Variants in ACAD8 observed in about 807,000 individuals in gnomAD.
ACAD8 encodes isobutyryl-CoA dehydrogenase, mitochondrial.
ACAD8 carries 47 observed loss-of-function variants against 53.1 expected under a neutral mutation model. The observed-to-expected ratio is 0.89, with a 90% confidence interval of 0.70 to 1.13. ACAD8 has a LOEUF of 1.13. Among genes scored for constraint, ACAD8 ranks in the 50% most tolerant of loss-of-function variants. ACAD8 has a pLI of 0.00. For missense variants in ACAD8, 494 were observed against 535.0 expected (o/e 0.92, Z 0.76); for synonymous variants, 198 against 201.3 (o/e 0.98, Z 0.14).
chr11:134,257,612 G>T (rs1398770483), intron 3 of ACAD8: 1 of 348,768 alleles, frequency 2.9e-6, no homozygotes, highest in Non-Finnish European at 5.6e-6. Flanking sequence ...GGCGGAGCTT[G>T]CAGTGAGCCG....
intron 1 of ACAD8, 143 bp from the exon 2 acceptor site, chr11:134,256,405 T>TTC: frequency 1.4e-6 from 1 of 692,988 alleles, no homozygotes; most frequent in South Asian, 1.6e-5. Context: ...GAAGCTGCCA[T>TTC]TCTCTAGCTG....
Position 134,261,577 on chromosome 11 carries a change from G to A in ACAD8, c.940-161G>A. The A allele has an allele frequency of 6.5e-7, 1 of 1,540,216 alleles. No homozygotes were observed. Among genetic ancestry groups the A allele is most frequent in the Non-Finnish European group, 8.7e-7 (1 of 1,146,946 alleles). On this transcript the variant is annotated intron_variant, in intron 8 of 10. Coordinates refer to ENST00000281182, the MANE Select transcript of ACAD8 (RefSeq NM_014384.3). This position sits in a 1 kb window ranked among gnomAD's most constrained non-coding sequence, Gnocchi z 4.2. ...GTGTCGGGTGAGTGAAGTGGACTTA[G>A]CACTTAAAAGCAATAAATTTCCTCT... is the stretch of plus-strand genomic sequence containing the variant.
At position 134,261,528 on chromosome 11, in the gene ACAD8, T is replaced by C. The variant is rs79032586; in HGVS notation, c.939+156T>C. On this transcript the variant is annotated intron_variant, in intron 8 of 10. Transcript: ENST00000281182. The surrounding 1 kb of genome is among the most constrained non-coding windows in gnomAD (Gnocchi z 4.2). Reference sequence around the variant, plus strand: ...TGCTTTATTTCTGTCCATCTTTTCTTGGGATATCTTTAACGATATTAAAGT... The same window carrying C: ...TGCTTTATTTCTGTCCATCTTTTCTCGGGATATCTTTAACGATATTAAAGT... The C allele has an allele frequency of 8.8e-3, 13,296 of 1,507,424 alleles. 978 individuals are homozygous for C. In the African/African-American group the frequency reaches 0.16, roughly 18 times the overall value. The allele number at this position is 1,507,424 out of a possible 1,614,324, so 93.4% of individuals were successfully genotyped here.
In ACAD8 at chr11:134,263,486, A is replaced by G. The variant is rs111478358; in HGVS notation, c.1195+864A>G. The G allele has an allele frequency of 9.8e-3, 9,662 of 985,082 alleles. 738 individuals carry two copies. In the African/African-American group the frequency reaches 0.16, roughly 16 times the overall value. The allele number at this position is 985,082 out of a possible 1,614,324, so 61.0% of individuals were successfully genotyped here. ...ACAAGTCTTCAAGTGAGGCTGCCAC[A>G]GCTTGTCTGAGAACCACACTTTGAG... On this transcript the variant is annotated intron_variant, in intron 10 of 10. Coordinates refer to ENST00000281182, the MANE Select transcript of ACAD8 (RefSeq NM_014384.3).
At position 134,253,690 on chromosome 11, in the gene ACAD8, C is replaced by T. The variant is rs756685371; in HGVS notation, c.90C>T (p.Ser30=). Residue 30 remains serine (S), a synonymous_variant, in exon 1 of 11, where the codon AGC becomes AGT. Transcript: ENST00000281182. Reference sequence around the variant, plus strand: ...TCCTCGTCCAGACCGGCCACCGGAGCTTGACCTCCTGCATCGACCGTAAGG... The same window carrying T: ...TCCTCGTCCAGACCGGCCACCGGAGTTTGACCTCCTGCATCGACCGTAAGG... ...LRVLVQTGHR[S]LTSCIDPSMG... 6.3e-7 allele frequency: 1 copy of T among 1,599,312 alleles called. No homozygotes were observed. Among genetic ancestry groups the T allele is most frequent in the Non-Finnish European group, 8.5e-7 (1 of 1,173,940 alleles).
intron 10 of ACAD8, 141 bp downstream of exon 10, chr11:134,262,763 T>C: frequency 6.7e-7 from 1 of 1,503,406 alleles, no homozygotes. Context: ...TCCCTCCCGT[T>C]CCGCAGAGCT....
rs1480631595 is a variant in ACAD8, at chr11:134,261,356, C to G, written c.923C>G (p.Pro308Arg). 1.2e-6 allele frequency: 2 copies of G among 1,614,160 alleles called. No homozygotes were observed. Among genetic ancestry groups the G allele is most frequent in the South Asian group, 1.1e-5 (1 of 91,078 alleles). The change falls in exon 8 of 11, where the codon CCT (proline) becomes CGT (arginine). Residue 308 changes from proline (P) to arginine (R), a missense_variant. Coordinates refer to ENST00000281182, the MANE Select transcript of ACAD8 (RefSeq NM_014384.3). This position sits in a 1 kb window ranked among gnomAD's most constrained non-coding sequence, Gnocchi z 4.2. ...HLNVRKQFGE[P>R]LASNQYLQFT... The stretch of plus-strand genomic sequence containing the variant: ...AATGTCCGGAAGCAGTTTGGAGAGC[C>G]TCTGGCCAGTAACCAGGTAACCTCT...
intron 5 of ACAD8, 123 bp from the exon 6 acceptor site, chr11:134,259,485 T>C (rs999962848): frequency 4.9e-5 from 40 of 819,620 alleles, no homozygotes; most frequent in Admixed American, 4.2e-4. Context: ...CTCTGTGCCA[T>C]TGGACCTTAT....
chr11:134,260,221 T>G, intron 6 of ACAD8: 1 of 1,082,872 alleles, frequency 9.2e-7, no homozygotes, highest in Non-Finnish European at 1.1e-6. Context: ...GTAAGTAATT[T>G]GAAAAGTAAG....
At chr11:134,258,484 C>A (rs1240225547) in intron 3 of ACAD8, 31 bp from the exon 4 acceptor site, 3 of 1,488,172 alleles carry the variant, frequency 2.0e-6, no homozygotes, top group South Asian at 1.1e-5. Context: ...TTATTTCTGT[C>A]ATTGTCTTTT....
rs573704104 is a variant in ACAD8, at chr11:134,260,761, G to A, written c.706-283G>A. The A allele has an allele frequency of 4.9e-5, 23 of 471,668 alleles. 1 individual carries two copies. Among genetic ancestry groups the A allele is most frequent in the South Asian group, 4.7e-4 (22 of 47,060 alleles). The allele number at this position is 471,668 out of a possible 1,614,324, so 29.2% of individuals were successfully genotyped here. On this transcript the variant is annotated intron_variant, in intron 6 of 10. Coordinates refer to ENST00000281182, the MANE Select transcript of ACAD8 (RefSeq NM_014384.3). ...GGCACTGAAATTGGGGGCAGTTGGT[G>A]TCACAATCCTAAAAGAAGTTGTGAG...
intron 3 of ACAD8, 178 bp from the exon 4 acceptor site, chr11:134,258,337 A>T: frequency 1.5e-6 from 1 of 651,772 alleles, no homozygotes; most frequent in South Asian, 1.7e-5. Context: ...TATTCCAGGA[A>T]TATGTTTTAA....
At chr11:134,263,478 G>C (rs1591518187) in intron 10 of ACAD8, 1 of 984,330 alleles carries the variant, frequency 1.0e-6, no homozygotes, top group South Asian at 4.7e-5. Flanking sequence ...TTCAAGTGAG[G>C]CTGCCACAGC....
At chr11:134,264,441 C>T (rs1940076500) in intron 10 of ACAD8, among the ~76,000 whole-genome samples, 1 of 152,116 alleles carries the variant, frequency 6.6e-6, no homozygotes, top group South Asian at 2.1e-4. Flanking sequence ...TTGCTTGAAC[C>T]TGGGGGGCGG....
At chr11:134,264,203 G>A (rs754760070) in intron 10 of ACAD8, 10 of 287,304 alleles carry the variant, frequency 3.5e-5, no homozygotes, top group Non-Finnish European at 5.2e-5. Flanking sequence ...AAGTTAGCTG[G>A]GCGTGGTGGT....
chr11:134,264,922 A>G lies in ACAD8; in HGVS notation c.1210A>G (p.Met404Val), dbSNP rs748935700. ...CCCTCTTACAGGTAGCAATGAAGTG[A>G]TGAGGATACTGATCTCTAGAAGCCT... ...HQILEGSNEV[M>V]RILISRSLLQ... Residue 404 changes from methionine (M) to valine (V), a missense_variant, in exon 11 of 11, where the codon ATG (methionine) becomes GTG (valine). Physicochemically the swap from Met to Val is conservative, Grantham distance 21. Transcript: ENST00000281182. 6.2e-7 allele frequency: 1 copy of G among 1,614,076 alleles called. No individual in the cohort carries two copies. Among genetic ancestry groups the G allele is most frequent in the African/African-American group, 1.3e-5 (1 of 74,938 alleles).
At chr11:134,262,819 C>T (rs752093515) in intron 10 of ACAD8, 197 bp downstream of exon 10, 24 of 1,466,334 alleles carry the variant, frequency 1.6e-5, no homozygotes, top group East Asian at 2.9e-5. Flanking sequence ...TCGTCCCTTT[C>T]GGGGGGCCTC....
In ACAD8 at chr11:134,257,116, A is replaced by G; in HGVS notation, c.239A>G (p.Lys80Arg). Residue 80 changes from lysine to arginine, a missense_variant, in exon 3 of 11, where the codon AAG (lysine) becomes AGG (arginine). Coordinates refer to ENST00000281182, the MANE Select transcript of ACAD8 (RefSeq NM_014384.3). ...KELFPVDVMRKAAQLGFGGVY... is the reference protein window; with the variant it reads ...KELFPVDVMRRAAQLGFGGVY... ...CTGTTCCCAGTGGATGTGATGCGGA[A>G]GGCAGCCCAGCTAGGCTTCGGAGGG... 1.9e-6 allele frequency: 3 copies of G among 1,614,190 alleles called. No homozygotes were observed. Among genetic ancestry groups the G allele is most frequent in the Non-Finnish European group, 2.5e-6 (3 of 1,180,034 alleles).
chr11:134,262,893 A>G (rs1939979980), intron 10 of ACAD8: 1 of 1,345,664 alleles, frequency 7.4e-7, no homozygotes, highest in African/African-American at 1.5e-5. Flanking sequence ...GAGATAATGG[A>G]TGAGAAAGCA....
Sources: gnomAD v4.1 joint callset for allele counts (sites outside exome capture counted in the v4.1 genomes callset) on GRCh38, gnomAD v4.1.1 for gene constraint, Gnocchi (gnomAD v3.1) non-coding constraint, MANE v1.5 for transcripts, NCBI Gene and HGNC (gene_info 2026-07-23, HGNC 2026-07-21) for gene names.